GNAQ: variants seen among roughly 807,000 people sequenced by gnomAD.
GNAQ encodes guanine nucleotide-binding protein G(q) subunit alpha.
Under a neutral mutation model 43.9 loss-of-function variants are expected in GNAQ, and 8 were observed. The ratio of observed to expected loss-of-function variants is 0.18; its 90% CI spans 0.11 to 0.33. The LOEUF (loss-of-function observed/expected upper bound fraction) is 0.33, where lower values mean the gene tolerates loss of function less well. GNAQ is among the 10% of genes least tolerant of loss of function. GNAQ has a pLI of 1.00. For missense variants in GNAQ, 158 were observed against 450.8 expected (o/e 0.35, Z 5.88); for synonymous variants, 155 against 170.7 (o/e 0.91, Z 0.71).
chr9:77,825,996 A>G (rs976954076), intron 2 of GNAQ, among the ~76,000 whole-genome samples: 2 of 152,154 alleles, frequency 1.3e-5, no homozygotes, highest in African/African-American at 4.8e-5. Context: ...AAAAACAACA[A>G]AAACAAAAAA....
At chr9:77,765,722 A>G (rs1587906646) in intron 5 of GNAQ, among the ~76,000 whole-genome samples, 1 of 152,246 alleles carries the variant, frequency 6.6e-6, no homozygotes, top group East Asian at 1.9e-4. Flanking sequence ...AGTAAAAAAT[A>G]CAATCACCAT....
chr9:77,813,053 C>T (rs999034899), intron 3 of GNAQ, among the ~76,000 whole-genome samples: 4 of 151,954 alleles, frequency 2.6e-5, no homozygotes, highest in South Asian at 2.1e-4. Flanking sequence ...GCTAGGACTA[C>T]AGGCGCACCC....
chr9:78,028,574 A>G (rs371909835), intron 1 of GNAQ, among the ~76,000 whole-genome samples: 1 of 152,236 alleles, frequency 6.6e-6, no homozygotes, highest in Non-Finnish European at 1.5e-5. Flanking sequence ...TTTACTTTGA[A>G]AACAATTTTA....
intron 1 of GNAQ, among the ~76,000 whole-genome samples, chr9:77,938,127 T>A (rs992192189): frequency 6.6e-6 from 1 of 152,172 alleles, no homozygotes; most frequent in Admixed American, 6.5e-5. Flanking sequence ...CTTTAAATGA[T>A]CTCTACATTA....
intron 1 of GNAQ, among the ~76,000 whole-genome samples, chr9:77,923,617 A>T (rs1036723940): frequency 3.3e-5 from 5 of 152,164 alleles, no homozygotes; most frequent in African/African-American, 1.2e-4. Flanking sequence ...TGAGATCTCC[A>T]AAACAATAAC....
At chr9:77,769,086 T>C (rs968720880) in intron 5 of GNAQ, among the ~76,000 whole-genome samples, 1 of 152,196 alleles carries the variant, frequency 6.6e-6, no homozygotes, top group African/African-American at 2.4e-5. Context: ...CACCTCATGT[T>C]AGACAGCTAA....
At chr9:77,889,410 CAAAAAAAAAAAAAAAAA>C (rs58496646) in intron 2 of GNAQ, among the ~76,000 whole-genome samples, 11 of 48,060 alleles carry the variant, frequency 2.3e-4, no homozygotes, top group South Asian at 2.6e-3. Flanking sequence ...GACCCTGTCT[CAAAAAAAAAAAAAAAAA>C]AAAAAAAAAA....
intron 4 of GNAQ, among the ~76,000 whole-genome samples, chr9:77,795,012 T>C (rs1399887273): frequency 6.6e-6 from 1 of 152,204 alleles, no homozygotes; most frequent in East Asian, 1.9e-4. Context: ...TTATGGATGC[T>C]AGATATGACT....
At chr9:77,741,540 C>T (rs1214013966) in intron 5 of GNAQ, among the ~76,000 whole-genome samples, 1 of 152,022 alleles carries the variant, frequency 6.6e-6, no homozygotes, top group Admixed American at 6.6e-5. Flanking sequence ...TTCTTTCTTC[C>T]CACGGCACAG....
intron 2 of GNAQ, among the ~76,000 whole-genome samples, chr9:77,844,497 C>G (rs1287545577): frequency 6.6e-6 from 1 of 152,072 alleles, no homozygotes; most frequent in Non-Finnish European, 1.5e-5. Context: ...CAGAAGATTC[C>G]AGGCTTCAAC....
rs150277666 is a variant in GNAQ at position 77,787,955 on chromosome 9, G to A, written c.735+6508C>T. Among the ~76,000 whole-genome samples, 629 of 152,232 alleles carry A rather than the reference G, an allele frequency of 4.1e-3. 6 individuals are homozygous for A. The highest frequency in any genetic ancestry group is 7.5e-3 in the Non-Finnish European group (510 of 68,012). ...TGAGACAGGAGAGTCGCTCGAACCC[G>A]GGAGGCAGAGGCTGCAAGTGAGACA... On this transcript the variant is annotated intron_variant, in intron 5 of 6. Coordinates refer to ENST00000286548, the MANE Select transcript of GNAQ (RefSeq NM_002072.5).
chr9:77,913,592 A>T (rs545353304), intron 2 of GNAQ, among the ~76,000 whole-genome samples: 1 of 152,326 alleles, frequency 6.6e-6, no homozygotes, highest in South Asian at 2.1e-4. Flanking sequence ...TTACAAGTTA[A>T]CAACGTGGGT....
intron 2 of GNAQ, among the ~76,000 whole-genome samples, chr9:77,904,317 CTTTTTTTTTTTTTTTTTT>C (rs554783626): frequency 2.6e-5 from 2 of 77,406 alleles, no homozygotes; most frequent in African/African-American, 1.1e-4. Flanking sequence ...TTCACACCGG[CTTTTTTTTTTTTTTTTTT>C]TTTTTTTTTT....
Position 77,869,814 on chromosome 9 carries a change from T to G in GNAQ, c.321+52347A>C, listed in dbSNP as rs372025067. On this transcript the variant is annotated intron_variant, in intron 2 of 6. Coordinates refer to ENST00000286548, the MANE Select transcript of GNAQ (RefSeq NM_002072.5). ...GAATGCCTTCCCCACTCCCCAGTCC[T>G]CAAAAGCCTGACACAAGGTCCCCTT... Among the ~76,000 whole-genome samples, 13 of 152,328 alleles carry G rather than the reference T, an allele frequency of 8.5e-5. No homozygotes were observed. The South Asian group carries it at 1.5e-3, about 17-fold the overall frequency.
At chr9:77,939,924 C>T (rs1225842912) in intron 1 of GNAQ, among the ~76,000 whole-genome samples, 2 of 152,168 alleles carry the variant, frequency 1.3e-5, no homozygotes, top group Admixed American at 6.5e-5. Flanking sequence ...GGTTACCTCA[C>T]AGTTATGTAC....
intron 1 of GNAQ, among the ~76,000 whole-genome samples, chr9:77,934,079 T>C (rs989171902): frequency 2.0e-4 from 30 of 152,316 alleles, no homozygotes; most frequent in Non-Finnish European, 3.8e-4. Flanking sequence ...TTCCACCTTA[T>C]TGCATATTCA....
intron 2 of GNAQ, among the ~76,000 whole-genome samples, chr9:77,858,482 T>C (rs754078427): frequency 5.9e-5 from 9 of 152,178 alleles, no homozygotes; most frequent in South Asian, 2.1e-4. Context: ...CTTCTCCCTA[T>C]TCCCTTAATC....
intron 1 of GNAQ, among the ~76,000 whole-genome samples, chr9:77,985,359 T>G (rs1376758482): frequency 3.9e-5 from 6 of 152,132 alleles, no homozygotes; most frequent in South Asian, 2.1e-4. Flanking sequence ...TTTTGTTTTG[T>G]TTTGGTTTTC....
At chr9:77,833,502 G>A (rs1827334221) in intron 2 of GNAQ, among the ~76,000 whole-genome samples, 1 of 152,204 alleles carries the variant, frequency 6.6e-6, no homozygotes, top group African/African-American at 2.4e-5. Context: ...GCTTCTTGTT[G>A]CTTTCTAGGG....
Sources: gnomAD v4.1 joint callset for allele counts (sites outside exome capture counted in the v4.1 genomes callset) on GRCh38, gnomAD v4.1.1 for gene constraint, MANE v1.5 for transcripts, NCBI Gene and HGNC (gene_info 2026-07-23, HGNC 2026-07-21) for gene names.